VPS53: variants seen among roughly 807,000 people sequenced by gnomAD.
VPS53 encodes the protein vacuolar protein sorting-associated protein 53 homolog.
In VPS53, 70 loss-of-function variants were observed where a neutral mutation model predicts 107.0. The ratio of observed to expected loss-of-function variants is 0.65; its 90% CI spans 0.54 to 0.80. The LOEUF is 0.80. VPS53 is among the 30% of genes least tolerant of loss of function. VPS53 has a pLI of 0.00. For synonymous variants in VPS53, 409 were observed against 393.3 expected (o/e 1.04, Z -0.47); for missense variants, 917 against 1,049.4 (o/e 0.87, Z 1.74).
chr17:589,841 G>A (rs1030579254), intron 12 of VPS53, among the ~76,000 whole-genome samples: 8 of 152,100 alleles, frequency 5.3e-5, no homozygotes, highest in Non-Finnish European at 1.0e-4. Flanking sequence ...TTTGGCTCAG[G>A]ATTGACTTGG....
chr17:632,980 A>C (rs1970025516), intron 7 of VPS53: 2 of 350,182 alleles, frequency 5.7e-6, no homozygotes, highest in Admixed American at 3.9e-5. Context: ...CTGAGTGACC[A>C]TTTAAGTTCA....
At chr17:675,903 A>C (rs1972141186) in intron 4 of VPS53, among the ~76,000 whole-genome samples, 1 of 152,140 alleles carries the variant, frequency 6.6e-6, no homozygotes, top group African/African-American at 2.4e-5. Flanking sequence ...GGTATCACAT[A>C]CAATACCTAG....
At position 575,506 on chromosome 17, in the gene VPS53, G is replaced by A. The variant is rs574008798; in HGVS notation, c.1313+10764C>T. On this transcript the variant is annotated intron_variant, in intron 13 of 21. Transcript: ENST00000437048. Reference sequence around the variant, plus strand: ...AGAACTTCCCTCAGAACCTCAATGCGTTCCCAGAGAATGTCCCTCAGAACC... The same window carrying A: ...AGAACTTCCCTCAGAACCTCAATGCATTCCCAGAGAATGTCCCTCAGAACC... Among the ~76,000 whole-genome samples, 4 of 143,924 alleles carry A rather than the reference G, an allele frequency of 2.8e-5. No individual in the cohort carries two copies. The South Asian group carries it at 6.9e-4, about 25-fold the overall frequency. 94.4% of individuals were successfully genotyped at this position (143,924 alleles called of 152,430 possible).
intron 4 of VPS53, among the ~76,000 whole-genome samples, chr17:672,204 T>TCTCTCTCTCTCC (rs1567728047): frequency 1.3e-5 from 2 of 151,568 alleles, no homozygotes; most frequent in Non-Finnish European, 2.9e-5. Context: ...TCTCTCTCTC[T>TCTCTCTCTCTCC]CTCTCTCTGA....
At position 515,101 on chromosome 17, in the gene VPS53, A is replaced by G. The variant is rs1013192511; in HGVS notation, c.*4027T>C. The stretch of plus-strand genomic sequence containing the variant: ...ATTACCACTATTTATTTTAAACCCA[A>G]AGTGACTTCAAAGTTGTTTTTTGGT... On this transcript the variant is annotated 3_prime_UTR_variant, in exon 22 of 22. Transcript: ENST00000437048. 1 of 152,104 alleles carries G rather than the reference A, an allele frequency of 6.6e-6. No homozygotes were observed. Among genetic ancestry groups the G allele is most frequent in the Non-Finnish European group, 1.5e-5 (1 of 68,004 alleles). The allele number at this position is 152,104 out of a possible 1,614,324, so 9.4% of individuals were successfully genotyped here.
intron 5 of VPS53, among the ~76,000 whole-genome samples, chr17:660,940 GAGA>G (rs1460014786): frequency 6.6e-6 from 1 of 152,162 alleles, no homozygotes; most frequent in Admixed American, 6.5e-5. Flanking sequence ...CATGGAGGAG[GAGA>G]AGGTGAATGC....
rs1973173501 is a variant in VPS53 at position 700,928 on chromosome 17, G to GTGT, written c.169-1551_169-1549dup. 3.3e-5 allele frequency among the ~76,000 whole-genome samples: 5 copies of GTGT among 152,316 alleles called. 1 individual carries two copies. The South Asian group carries it at 1.0e-3, about 32-fold the overall frequency. ...GTCTGGTAAGAGAAACAGGCCATGAGTGTTTGAGATGTCAGACTGGGTTGT... is the reference window on the plus strand; with the variant it reads ...GTCTGGTAAGAGAAACAGGCCATGAGTGTTGTTTGAGATGTCAGACTGGGTTGT... On this transcript the variant is annotated intron_variant, in intron 2 of 21. Coordinates refer to ENST00000437048, the MANE Select transcript of VPS53 (RefSeq NM_001128159.3).
chr17:619,528 A>G (rs377687773), intron 11 of VPS53, among the ~76,000 whole-genome samples: 110 of 76,874 alleles, frequency 1.4e-3, no homozygotes, highest in Middle Eastern at 0.011. Flanking sequence ...GCACCACCAC[A>G]CCCCGCTAAT....
chr17:547,462 T>C (rs1286080618), intron 17 of VPS53, among the ~76,000 whole-genome samples: 2 of 151,972 alleles, frequency 1.3e-5, no homozygotes, highest in African/African-American at 2.4e-5. Context: ...GTATGCAAAA[T>C]GTCAGGAGGG....
At chr17:544,271 C>T (rs570689028) in intron 17 of VPS53, among the ~76,000 whole-genome samples, 1 of 152,260 alleles carries the variant, frequency 6.6e-6, no homozygotes, top group East Asian at 1.9e-4. Flanking sequence ...TGTGGACCCA[C>T]CAGGACTGGG....
intron 12 of VPS53, among the ~76,000 whole-genome samples, chr17:600,519 G>A (rs2360735): frequency 0.18 from 27,878 of 152,220 alleles, 2,760 homozygotes; most frequent in Admixed American, 0.26. Flanking sequence ...ATACTATGAC[G>A]GCTTTAAATC....
At chr17:601,254 C>T (rs1489385302) in intron 12 of VPS53, among the ~76,000 whole-genome samples, 1 of 152,214 alleles carries the variant, frequency 6.6e-6, no homozygotes, top group African/African-American at 2.4e-5. Context: ...GAAATTTAGA[C>T]TTGGACAGAA....
In VPS53 at chr17:669,906, G is replaced by GA. The variant is rs908736732; in HGVS notation, c.286-8012dup. On this transcript the variant is annotated intron_variant, in intron 4 of 21. Transcript: ENST00000437048. ...ACTCCATCTAAAAAAAAAAAAAGAA[G>GA]AAAAAAAAGTAATAATAAAAAAATT... 2.0e-5 allele frequency among the ~76,000 whole-genome samples: 3 copies of GA among 150,210 alleles called. No individual in the cohort carries two copies. The South Asian group carries it at 6.3e-4, about 31-fold the overall frequency.
At chr17:542,956 G>T (rs866100876) in intron 17 of VPS53, among the ~76,000 whole-genome samples, 51 of 149,668 alleles carry the variant, frequency 3.4e-4, no homozygotes, top group African/African-American at 1.2e-3. Flanking sequence ...CCAGCCTGCC[G>T]GATAGAGCGA....
intron 17 of VPS53, among the ~76,000 whole-genome samples, chr17:541,915 C>T (rs929397743): frequency 4.7e-5 from 7 of 149,388 alleles, no homozygotes; most frequent in African/African-American, 7.7e-5. Flanking sequence ...GCACCTACCA[C>T]GCACTGAAGG....
At chr17:645,043 T>G (rs886781840) in intron 7 of VPS53, among the ~76,000 whole-genome samples, 1 of 152,258 alleles carries the variant, frequency 6.6e-6, no homozygotes, top group African/African-American at 2.4e-5. Flanking sequence ...ATTCATAGAA[T>G]GTTGGACTTT....
intron 8 of VPS53, among the ~76,000 whole-genome samples, chr17:629,808 ACC>A (rs1567689807): frequency 0.034 from 2,269 of 66,250 alleles, 30 homozygotes; most frequent in Middle Eastern, 0.09. Flanking sequence ...CAAAAAAAAA[ACC>A]ACACACACAC....
At chr17:705,645 CAG>C (rs1262631568) in intron 2 of VPS53, 2 of 152,132 alleles carry the variant, frequency 1.3e-5, no homozygotes, top group African/African-American at 2.4e-5. Context: ...GAGGCTAAGA[CAG>C]GGGAATTGCT....
intron 4 of VPS53, among the ~76,000 whole-genome samples, chr17:673,418 G>A (rs183994035): frequency 1.6e-3 from 247 of 152,268 alleles, no homozygotes; most frequent in Non-Finnish European, 1.8e-3. Context: ...AATGCAGCCC[G>A]CTCTCCACGA....
Sources: gnomAD v4.1 joint callset for allele counts (sites outside exome capture counted in the v4.1 genomes callset) on GRCh38, gnomAD v4.1.1 for gene constraint, MANE v1.5 for transcripts, NCBI Gene and HGNC (gene_info 2026-07-23, HGNC 2026-07-21) for gene names.